MROH2B: variants seen among roughly 807,000 people sequenced by gnomAD.
The protein encoded by MROH2B is maestro heat-like repeat-containing protein family member 2B.
A neutral mutation model predicts 208.6 loss-of-function variants in MROH2B; 177 were observed. The ratio of observed to expected loss-of-function variants is 0.85; its 90% CI spans 0.75 to 0.96. MROH2B has a LOEUF of 0.96. Ranked by LOEUF, MROH2B falls within the 40% of genes least tolerant of loss-of-function variation. The pLI, the probability that MROH2B is intolerant of heterozygous loss-of-function variation, is 0.00. For synonymous variants in MROH2B, 728 were observed against 659.0 expected, an observed-to-expected ratio of 1.10 and a Z score of -1.60; for missense variants, 2,002 against 1,878.7, an observed-to-expected ratio of 1.07 and a Z score of -1.21.
At position 41,049,041 on chromosome 5, in the gene MROH2B, A is replaced by G. The variant is rs571436252; in HGVS notation, c.1542+60T>C. 4.5e-5 allele frequency: 68 copies of G among 1,495,646 alleles called. No homozygotes were observed. In the African/African-American group the frequency reaches 7.5e-4, roughly 17 times the overall value. The allele number at this position is 1,495,646 out of a possible 1,614,324, so 92.6% of individuals were successfully genotyped here. Reference sequence around the variant, plus strand: ...GTAATTTATATTAGCACTTATTTGGAACTGAACTATCCTTATCAGCTTAAA... The same window carrying G: ...GTAATTTATATTAGCACTTATTTGGGACTGAACTATCCTTATCAGCTTAAA... On this transcript the variant is annotated intron_variant, in intron 15 of 41. Transcript: ENST00000399564.
In MROH2B at chr5:41,032,800, G is replaced by A. The variant is rs1341260877; in HGVS notation, c.2383C>T (p.Leu795=). ...YMLDFIRDEP[L]DSLASPIRWK... ...CGAATAGGGCTAGCTAAGGAATCCA[G>A]GGGCTCGTCTCTAATGAAGTCCTGA... Residue 795 remains leucine (L), a synonymous_variant, in exon 24 of 42, where the codon CTG becomes TTG. Coordinates refer to ENST00000399564, the MANE Select transcript of MROH2B (RefSeq NM_173489.5). 1 of 1,612,360 alleles carries A rather than the reference G, an allele frequency of 6.2e-7. No homozygotes were observed.
chr5:41,018,763 G>T lies in MROH2B; in HGVS notation c.2601C>A (p.Asp867Glu), dbSNP rs182320768. ...TGGTCTTCAGAAGTTTTCCTAGGGC[G>T]TCCATGGATCGTTCATAGAGAAACT... ...HIQFLYERSMDALGKLLKTMM... is the reference protein window; with the variant it reads ...HIQFLYERSMEALGKLLKTMM... Residue 867 changes from aspartate (D) to glutamate (E), a missense_variant, in exon 26 of 42, where the codon GAC (aspartate) becomes GAA (glutamate). Transcript: ENST00000399564. The T allele has an allele frequency of 6.2e-7, 1 of 1,613,848 alleles. No homozygotes were observed. The highest frequency in any genetic ancestry group is 1.7e-5 in the Admixed American group (1 of 59,982).
At chr5:41,060,812 T>C (rs543854597) in intron 6 of MROH2B, among the ~76,000 whole-genome samples, 14 of 152,334 alleles carry the variant, frequency 9.2e-5, no homozygotes, top group African/African-American at 3.4e-4. Flanking sequence ...ATTTTTAAAG[T>C]TCCATGTTGC....
intron 13 of MROH2B, among the ~76,000 whole-genome samples, chr5:41,050,146 C>T (rs778222343): frequency 6.6e-6 from 1 of 152,248 alleles, no homozygotes; most frequent in Admixed American, 6.5e-5. Context: ...CCTATATAGT[C>T]TCTTTGCTCT....
At chr5:41,064,719 C>G in intron 4 of MROH2B, 149 bp from the exon 5 acceptor site, 1 of 576,186 alleles carries the variant, frequency 1.7e-6, no homozygotes. Context: ...TCCGCCATCT[C>G]TACCCCACCT....
At chr5:41,014,444 G>A (rs537679780) in intron 29 of MROH2B, among the ~76,000 whole-genome samples, 1 of 152,238 alleles carries the variant, frequency 6.6e-6, no homozygotes, top group South Asian at 2.1e-4. Flanking sequence ...TTGTGGGGTA[G>A]GGGGGTGCGG....
chr5:41,049,177 G>A, intron 14 of MROH2B, 36 bp from the exon 15 acceptor site: 1 of 1,604,168 alleles, frequency 6.2e-7, no homozygotes, highest in South Asian at 1.1e-5. Flanking sequence ...ATCACTGCAG[G>A]GGTTAGAGAT....
chr5:41,052,758 G>T (rs977105998), intron 11 of MROH2B, among the ~76,000 whole-genome samples, 171 bp from the exon 12 acceptor site: 1 of 152,150 alleles, frequency 6.6e-6, no homozygotes, highest in Admixed American at 6.5e-5. Context: ...AAATGCTTGG[G>T]ATCAGAAATG....
At chr5:41,009,478 A>C in intron 31 of MROH2B, 72 bp from the exon 32 acceptor site, 9 of 1,555,638 alleles carry the variant, frequency 5.8e-6, no homozygotes, top group Non-Finnish European at 7.9e-6. Context: ...CATCTGACTC[A>C]CTCTAAAATC....
chr5:41,031,121 C>T (rs1004043931), intron 24 of MROH2B, among the ~76,000 whole-genome samples: 3 of 151,888 alleles, frequency 2.0e-5, no homozygotes, highest in Non-Finnish European at 2.9e-5. Context: ...AAGAAATACC[C>T]GAGACTAGGT....
intron 24 of MROH2B, among the ~76,000 whole-genome samples, chr5:41,031,711 T>C (rs1742575794): frequency 6.6e-6 from 1 of 151,996 alleles, no homozygotes; most frequent in African/African-American, 2.4e-5. Context: ...ACCAGATAGA[T>C]AGTTTTTAAA....
intron 24 of MROH2B, among the ~76,000 whole-genome samples, chr5:41,021,774 A>G (rs1742157621): frequency 6.6e-6 from 1 of 151,980 alleles, no homozygotes; most frequent in Non-Finnish European, 1.5e-5. Context: ...ATACTTGGGA[A>G]GCTGAGGAGG....
At chr5:41,064,873 G>A (rs944235886) in intron 4 of MROH2B, among the ~76,000 whole-genome samples, 22 of 152,158 alleles carry the variant, frequency 1.4e-4, no homozygotes, top group Non-Finnish European at 5.9e-5. Context: ...AGTGCTGCCA[G>A]CAATTGCTTA....
At chr5:41,048,614 A>C (rs1743195016) in intron 15 of MROH2B, 149 bp from the exon 16 acceptor site, 3 of 988,842 alleles carry the variant, frequency 3.0e-6, no homozygotes. Flanking sequence ...TATTTATTCT[A>C]GAATGAAGCT....
At chr5:41,050,527 G>T (rs1260017059) in intron 13 of MROH2B, among the ~76,000 whole-genome samples, 1 of 152,140 alleles carries the variant, frequency 6.6e-6, no homozygotes, top group Non-Finnish European at 1.5e-5. Flanking sequence ...TCAGTTGGTT[G>T]TCTTCTGGCT....
chr5:41,049,305 T>C lies in MROH2B; in HGVS notation c.1476A>G (p.Thr492=). 7 of 1,613,644 alleles carry C rather than the reference T, an allele frequency of 4.3e-6. No individual in the cohort carries two copies. The highest frequency in any genetic ancestry group is 5.9e-6 in the Non-Finnish European group (7 of 1,179,708). ...CAGCTCCTGTAGAGACGACAAGTGC[T>C]GTCGACTCCTTGGCACTGTGCTGCT... ...EKKQHSAKES[T]ALVVSTGAVK... is the part of the protein sequence containing the mutation. The change falls in exon 14 of 42, where the codon ACA becomes ACG. Residue 492 remains threonine, a synonymous_variant. Transcript: ENST00000399564.
intron 24 of MROH2B, among the ~76,000 whole-genome samples, chr5:41,028,484 C>T (rs969963007): frequency 6.6e-6 from 1 of 152,142 alleles, no homozygotes; most frequent in Non-Finnish European, 1.5e-5. Flanking sequence ...GAGAATAAAA[C>T]AGTAGCCACT....
intron 24 of MROH2B, among the ~76,000 whole-genome samples, chr5:41,020,179 T>C (rs1742098101): frequency 6.6e-6 from 1 of 152,080 alleles, no homozygotes; most frequent in South Asian, 2.1e-4. Flanking sequence ...TTTAAAATAA[T>C]GAATATATGT....
At chr5:41,003,539 G>C (rs1198238352) in intron 37 of MROH2B, among the ~76,000 whole-genome samples, 1 of 152,132 alleles carries the variant, frequency 6.6e-6, no homozygotes, top group South Asian at 2.1e-4. Context: ...TACTTCTTGA[G>C]CCTCATTTAG....
Sources: allele counts gnomAD v4.1 joint callset (sites outside exome capture counted in the v4.1 genomes callset), GRCh38; gene constraint gnomAD v4.1.1; transcripts MANE v1.5; gene names NCBI Gene and HGNC (gene_info 2026-07-23, HGNC 2026-07-21).